The following FAM135B variants were observed in gnomAD, a reference collection of about 807,000 sequenced individuals.
FAM135B encodes the protein family with sequence similarity 135 member B, also known as protein FAM135B.
Under a neutral mutation model 127.7 loss-of-function variants are expected in FAM135B, and 43 were observed. The ratio of observed to expected loss-of-function variants is 0.34; its 90% CI spans 0.26 to 0.43. The LOEUF (loss-of-function observed/expected upper bound fraction) is 0.43, where lower values mean the gene tolerates loss of function less well. Ranked by LOEUF, FAM135B falls within the 20% of genes least tolerant of loss-of-function variation. The pLI is 1.00. For synonymous variants in FAM135B, 670 were observed against 665.1 expected (o/e 1.01, Z -0.11); for missense variants, 1,558 against 1,725.6 (o/e 0.90, Z 1.72).
chr8:138,148,456 T>C (rs1817837344), intron 14 of FAM135B, 64 bp downstream of exon 14: 1 of 1,309,888 alleles, frequency 7.6e-7, no homozygotes. Flanking sequence ...TCTAAATTAA[T>C]ACATAAATAT....
intron 1 of FAM135B, among the ~76,000 whole-genome samples, chr8:138,466,024 C>A (rs771128456): frequency 3.0e-4 from 46 of 152,198 alleles, no homozygotes; most frequent in Non-Finnish European, 5.1e-4. Flanking sequence ...GATCTGCCTG[C>A]CTCGGCCTCC....
intron 1 of FAM135B, among the ~76,000 whole-genome samples, chr8:138,472,742 T>C (rs16909195): frequency 0.35 from 52,938 of 152,076 alleles, 11,124 homozygotes; most frequent in South Asian, 0.56. Context: ...GTGCATATTG[T>C]TTCCACTGGC....
intron 1 of FAM135B, among the ~76,000 whole-genome samples, chr8:138,436,670 G>A (rs988172053): frequency 2.0e-5 from 3 of 152,196 alleles, no homozygotes; most frequent in Admixed American, 6.5e-5. Context: ...GATTCTGACT[G>A]ATTTAGCCAT....
chr8:138,379,831 C>T (rs918545620), intron 1 of FAM135B, among the ~76,000 whole-genome samples: 1 of 152,124 alleles, frequency 6.6e-6, no homozygotes, highest in African/African-American at 2.4e-5. Context: ...ATACACCTTC[C>T]CTGAAAGGCA....
In FAM135B at chr8:138,152,295, G is replaced by A. The variant is rs868274960; in HGVS notation, c.2180C>T (p.Ser727Phe). The A allele has an allele frequency of 6.2e-7, 1 of 1,614,120 alleles. No individual in the cohort carries two copies. Residue 727 changes from serine (S) to phenylalanine (F), a missense_variant, in exon 13 of 20, where the codon TCC (serine) becomes TTC (phenylalanine). Transcript: ENST00000395297. ...ACTTTCTGTGTGTCCACCCTCTAGG[G>A]AGTTCCGGTGGAGGGCATGTCTTCG... ...FVRRHALHRN[S>F]LEGGHTESNT...
intron 5 of FAM135B, among the ~76,000 whole-genome samples, chr8:138,253,444 T>A (rs943444053): frequency 6.6e-6 from 1 of 152,120 alleles, no homozygotes; most frequent in African/African-American, 2.4e-5. Flanking sequence ...TTGTGCACTC[T>A]ACGATGTGAA....
chr8:138,258,524 AAAGT>A (rs1302438834), intron 4 of FAM135B, among the ~76,000 whole-genome samples: 1 of 152,196 alleles, frequency 6.6e-6, no homozygotes, highest in African/African-American at 2.4e-5. Flanking sequence ...AGAGACTGGC[AAAGT>A]AAGCTTCCCA....
chr8:138,418,839 C>A (rs1834318995), intron 1 of FAM135B, among the ~76,000 whole-genome samples: 4 of 147,692 alleles, frequency 2.7e-5, no homozygotes, highest in Non-Finnish European at 4.5e-5. Flanking sequence ...ACTAGAAGTC[C>A]TTAAGGGAGT....
At chr8:138,189,599 C>T (rs938768284) in intron 9 of FAM135B, among the ~76,000 whole-genome samples, 2 of 152,190 alleles carry the variant, frequency 1.3e-5, no homozygotes, top group African/African-American at 4.8e-5. Context: ...CCTCTAGATG[C>T]TGCTGTGAGG....
At chr8:138,254,293 C>T (rs1207025068) in intron 5 of FAM135B, among the ~76,000 whole-genome samples, 1 of 152,216 alleles carries the variant, frequency 6.6e-6, no homozygotes, top group Non-Finnish European at 1.5e-5. Flanking sequence ...TCTCCATTAA[C>T]TACTGTTTTG....
chr8:138,409,851 G>C (rs1833754167), intron 1 of FAM135B, among the ~76,000 whole-genome samples: 2 of 132,302 alleles, frequency 1.5e-5, no homozygotes, highest in African/African-American at 2.9e-5. Context: ...CTCCACTCCA[G>C]CCTGGGCGAC....
chr8:138,401,007 G>A (rs755866895), intron 1 of FAM135B, among the ~76,000 whole-genome samples: 66 of 152,314 alleles, frequency 4.3e-4, no homozygotes, highest in Non-Finnish European at 7.9e-4. Context: ...TTCACAAAAT[G>A]TTTGGGATTC....
At chr8:138,445,640 G>A (rs1324255237) in intron 1 of FAM135B, among the ~76,000 whole-genome samples, 3 of 152,148 alleles carry the variant, frequency 2.0e-5, no homozygotes, top group Non-Finnish European at 4.4e-5. Flanking sequence ...ATTAGGTATT[G>A]ATGGGACGTA....
intron 2 of FAM135B, among the ~76,000 whole-genome samples, chr8:138,315,369 T>C (rs577246786): frequency 1.3e-5 from 2 of 152,280 alleles, no homozygotes; most frequent in South Asian, 2.1e-4. Flanking sequence ...TCTTTTCTGA[T>C]AAGAATGTAA....
At position 138,261,986 on chromosome 8, in the gene FAM135B, C is replaced by T. The variant is rs528672055; in HGVS notation, c.297+3717G>A. 4.6e-5 allele frequency among the ~76,000 whole-genome samples: 7 copies of T among 152,326 alleles called. No homozygotes were observed. In the South Asian group the frequency reaches 1.5e-3, roughly 32 times the overall value. On this transcript the variant is annotated intron_variant, in intron 4 of 19. Coordinates refer to ENST00000395297, the MANE Select transcript of FAM135B (RefSeq NM_015912.4). ...AGTGTTTACAGACATATCCAATTAA[C>T]TTTTATTATCCCTGATTTGTATATA...
chr8:138,243,993 T>C lies in FAM135B; in HGVS notation c.543-925A>G, dbSNP rs1024654773. Among the ~76,000 whole-genome samples, 3 of 152,330 alleles carry C rather than the reference T, an allele frequency of 2.0e-5. No homozygotes were observed. Among genetic ancestry groups the C allele is most frequent in the Non-Finnish European group, 4.4e-5 (3 of 68,038 alleles). On this transcript the variant is annotated intron_variant, in intron 6 of 19. Coordinates refer to ENST00000395297, the MANE Select transcript of FAM135B (RefSeq NM_015912.4). This position sits in a 1 kb window ranked among gnomAD's most constrained non-coding sequence, Gnocchi z 7.5. The stretch of plus-strand genomic sequence containing the variant: ...GCCCCAGGTGACATCATCTTCATCA[T>C]CTTCACTATGGGTGCTCAAGAAACA...
At chr8:138,259,191 T>C (rs973661088) in intron 4 of FAM135B, among the ~76,000 whole-genome samples, 1 of 152,148 alleles carries the variant, frequency 6.6e-6, no homozygotes, top group Non-Finnish European at 1.5e-5. Context: ...CATGGTCACA[T>C]GTGTGTTCTA....
At chr8:138,250,184 C>G (rs1238355892) in intron 6 of FAM135B, among the ~76,000 whole-genome samples, 1 of 152,040 alleles carries the variant, frequency 6.6e-6, no homozygotes, top group Non-Finnish European at 1.5e-5. Context: ...GAAACCCCGT[C>G]TCTACTAAAA....
rs530651512 is a variant in FAM135B at position 138,262,717 on chromosome 8, A to T, written c.297+2986T>A. ...GGTTCAAGACCAGCCTGGCCAACAT[A>T]GTGAAACCTTGTCTCTACTAAAAAT... On this transcript the variant is annotated intron_variant, in intron 4 of 19. Transcript: ENST00000395297. Among the ~76,000 whole-genome samples, 4 of 151,780 alleles carry T rather than the reference A, an allele frequency of 2.6e-5. No individual in the cohort carries two copies. In the East Asian group the frequency reaches 7.8e-4, roughly 30 times the overall value.
Sources: allele counts gnomAD v4.1 joint callset (sites outside exome capture counted in the v4.1 genomes callset), GRCh38; gene constraint gnomAD v4.1.1; non-coding constraint Gnocchi (gnomAD v3.1); transcripts MANE v1.5; gene names NCBI Gene and HGNC (gene_info 2026-07-23, HGNC 2026-07-21).